MALL: variants seen among roughly 807,000 people sequenced by gnomAD.
The protein encoded by MALL is MAL-like protein.
In MALL, 2 loss-of-function variants were observed where a neutral mutation model predicts 10.3. The observed-to-expected ratio is 0.19, with a 90% CI of 0.08 to 0.61. MALL has a LOEUF of 0.61. MALL is among the 20% of genes least tolerant of loss of function. The pLI is 0.88. For synonymous variants in MALL, 27 were observed against 51.8 expected, an observed-to-expected ratio of 0.52 and a Z score of 2.05; for missense variants, 39 against 115.2, an observed-to-expected ratio of 0.34 and a Z score of 3.03.
At chr2:110,113,663 CAAATT>C (rs2104396439) in intron 1 of MALL, among the ~76,000 whole-genome samples, 1 of 152,052 alleles carries the variant, frequency 6.6e-6, no homozygotes, top group African/African-American at 2.4e-5. Flanking sequence ...CAGATTTTCC[CAAATT>C]AAAGGAGATG....
chr2:110,116,545 C>G (rs1399558306), upstream of MALL: 1 of 152,540 alleles, frequency 6.6e-6, no homozygotes, highest in Non-Finnish European at 1.5e-5. Context: ...AAGGGCTGGG[C>G]TGGCTGGCTG....
Position 110,112,925 on chromosome 2 carries a change from A to G in MALL, c.105+2763T>C, listed in dbSNP as rs180932140. Among the ~76,000 whole-genome samples the G allele has an allele frequency of 1.7e-4, 26 of 150,892 alleles. No homozygotes were observed. The East Asian group carries it at 5.1e-3, about 29-fold the overall frequency. On this transcript the variant is annotated intron_variant, in intron 1 of 3. Coordinates refer to ENST00000272462, the MANE Select transcript of MALL (RefSeq NM_005434.5). ...ATATACATATATATGATGGAATACT[A>G]TGCAGCCACAAAAAGGAATGAATTA...
intron 1 of MALL, among the ~76,000 whole-genome samples, chr2:110,092,011 CT>C (rs1678382946): frequency 6.7e-6 from 1 of 149,788 alleles, no homozygotes; most frequent in Non-Finnish European, 1.5e-5. Flanking sequence ...CCAAATCTAG[CT>C]TGTGAATGTG....
intron 1 of MALL, among the ~76,000 whole-genome samples, chr2:110,102,126 C>T (rs1052573388): frequency 6.6e-6 from 1 of 152,144 alleles, no homozygotes; most frequent in Non-Finnish European, 1.5e-5. Context: ...AGTCCCCATA[C>T]CCTCCTTTCT....
chr2:110,103,888 C>CA (rs1297312341), intron 1 of MALL, among the ~76,000 whole-genome samples: 1 of 152,160 alleles, frequency 6.6e-6, no homozygotes, highest in Non-Finnish European at 1.5e-5. Context: ...GGGGCCAGGC[C>CA]AGGTGGTTCC....
At chr2:110,117,571 C>A (rs111690689), upstream of MALL, among the ~76,000 whole-genome samples, 923 of 146,270 alleles carry the variant, frequency 6.3e-3, 8 homozygotes, top group African/African-American at 0.022. Context: ...CTGGGTCTAT[C>A]TTCAGGACCA....
intron 1 of MALL, among the ~76,000 whole-genome samples, chr2:110,104,496 T>C (rs73954603): frequency 0.016 from 2,419 of 151,992 alleles, 66 homozygotes; most frequent in African/African-American, 0.056. Context: ...AGAGAGAGAG[T>C]AGGTGCTCAG....
intron 1 of MALL, among the ~76,000 whole-genome samples, chr2:110,111,723 G>GA (rs200474549): frequency 0.026 from 3,893 of 151,090 alleles, 166 homozygotes; most frequent in African/African-American, 0.087. Flanking sequence ...CACAGAATTA[G>GA]AAAAAAAAAT....
At chr2:110,102,354 T>C (rs1028765716) in intron 1 of MALL, among the ~76,000 whole-genome samples, 5 of 86,768 alleles carry the variant, frequency 5.8e-5, no homozygotes, top group Admixed American at 1.4e-4. Context: ...CTAGGATCAC[T>C]CTCCACTGTC....
upstream of MALL, among the ~76,000 whole-genome samples, chr2:110,118,046 T>C (rs1678957860): frequency 6.6e-6 from 1 of 151,848 alleles, no homozygotes; most frequent in African/African-American, 2.4e-5. Context: ...TGAATTCTGG[T>C]TTCCTTCCCA....
chr2:110,098,050 G>A (rs1319314872), intron 1 of MALL, among the ~76,000 whole-genome samples: 5 of 151,946 alleles, frequency 3.3e-5, no homozygotes, highest in African/African-American at 7.3e-5. Context: ...ACATGCGGGC[G>A]TTGCCCACGG....
intron 1 of MALL, among the ~76,000 whole-genome samples, chr2:110,108,970 C>T (rs751802369): frequency 2.0e-5 from 3 of 152,216 alleles, no homozygotes; most frequent in East Asian, 1.9e-4. Context: ...AGGATATAGT[C>T]GTTTTCAGAC....
chr2:110,101,117 C>T (rs547774086), intron 1 of MALL, among the ~76,000 whole-genome samples: 2 of 152,074 alleles, frequency 1.3e-5, no homozygotes, highest in South Asian at 2.1e-4. Context: ...CAGCTCCCAC[C>T]CCCGTGTCAC....
intron 1 of MALL, among the ~76,000 whole-genome samples, chr2:110,104,750 C>T (rs935193218): frequency 1.3e-5 from 2 of 152,164 alleles, no homozygotes; most frequent in Admixed American, 1.3e-4. Context: ...TGTCTCCTGT[C>T]CTGGAGTGCT....
At chr2:110,113,076 G>C (rs998465780) in intron 1 of MALL, among the ~76,000 whole-genome samples, 3 of 151,820 alleles carry the variant, frequency 2.0e-5, no homozygotes, top group Non-Finnish European at 2.9e-5. Context: ...GGACACAAAG[G>C]CATAAGAATG....
At chr2:110,118,066 GCTC>G, upstream of MALL, among the ~76,000 whole-genome samples, 1 of 151,552 alleles carries the variant, frequency 6.6e-6, no homozygotes, top group Middle Eastern at 3.4e-3. Flanking sequence ...AAATATTCCT[GCTC>G]CTTTTTTTTT....
chr2:110,100,377 C>T (rs529371036), intron 1 of MALL, among the ~76,000 whole-genome samples: 4 of 151,858 alleles, frequency 2.6e-5, no homozygotes, highest in Admixed American at 6.6e-5. Flanking sequence ...AGGCTGAGTG[C>T]GGGGAGGATC....
upstream of MALL, among the ~76,000 whole-genome samples, chr2:110,117,655 G>A (rs1678948829): frequency 7.4e-6 from 1 of 135,078 alleles, no homozygotes; most frequent in Non-Finnish European, 1.6e-5. Context: ...GAGAGAGAGA[G>A]AAACACAAAT....
intron 1 of MALL, among the ~76,000 whole-genome samples, chr2:110,113,826 G>A (rs1268002841): frequency 2.0e-5 from 3 of 152,102 alleles, no homozygotes; most frequent in East Asian, 1.9e-4. Flanking sequence ...GTTGTACCAC[G>A]GAAGATGCAG....
Sources: allele counts gnomAD v4.1 joint callset (sites outside exome capture counted in the v4.1 genomes callset), GRCh38; gene constraint gnomAD v4.1.1; transcripts MANE v1.5; gene names NCBI Gene and HGNC (gene_info 2026-07-23, HGNC 2026-07-21).